The following SNRPN variants were observed in gnomAD, a reference collection of about 807,000 sequenced individuals.
SNRPN encodes the protein small nuclear ribonucleoprotein-associated protein N.
In SNRPN, 7 loss-of-function variants were observed where a neutral mutation model predicts 25.2. The ratio of observed to expected loss-of-function variants is 0.28; its 90% CI spans 0.16 to 0.52. The LOEUF is 0.52. Among genes scored for constraint, SNRPN ranks in the 20% least tolerant of loss-of-function variants. SNRPN has a pLI of 0.96. For missense variants in SNRPN, 196 were observed against 322.5 expected (o/e 0.61, Z 3.00); for synonymous variants, 124 against 110.6 (o/e 1.12, Z -0.76).
At chr15:24,910,555 G>A (rs1356089529) in intron 2 of SNRPN, among the ~76,000 whole-genome samples, 4 of 152,130 alleles carry the variant, frequency 2.6e-5, no homozygotes, top group East Asian at 1.9e-4. Flanking sequence ...GCAATGGTGC[G>A]ATCTCGGCTC....
At chr15:24,956,432 C>T (rs4906939) in intron 1 of SNRPN, among the ~76,000 whole-genome samples, 54,494 of 149,820 alleles carry the variant, frequency 0.36, 10,277 homozygotes, top group East Asian at 0.5. Flanking sequence ...TCTGCTGTTT[C>T]GGAGTTTCAG....
chr15:24,911,553 G>A (rs182426032), intron 2 of SNRPN, among the ~76,000 whole-genome samples: 18 of 152,306 alleles, frequency 1.2e-4, no homozygotes, highest in Admixed American at 1.2e-3. Flanking sequence ...CTGTGGTTCA[G>A]GTGGGCCCAG....
At chr15:24,909,341 C>G (rs1288808242) in intron 2 of SNRPN, 1 of 1,602,752 alleles carries the variant, frequency 6.2e-7, no homozygotes, top group African/African-American at 1.3e-5. Flanking sequence ...CTTCAGGGCA[C>G]CAAAAACTTT....
In SNRPN at chr15:24,940,015, A is replaced by G. The variant is rs2061458040; in HGVS notation, c.-391+19891A>G. 2.0e-5 allele frequency among the ~76,000 whole-genome samples: 3 copies of G among 152,006 alleles called. No homozygotes were observed. In the South Asian group the frequency reaches 6.2e-4, roughly 32 times the overall value. The stretch of plus-strand genomic sequence containing the variant: ...ATGTTGGCCAGGCTGGTCTCAAACC[A>G]TTGGCCTCCTGTGATTCACTCACCT... On this transcript the variant is annotated intron_variant, in intron 3 of 11. Coordinates refer to the SNRPN transcript ENST00000400097.
intron 2 of SNRPN, among the ~76,000 whole-genome samples, chr15:24,898,512 C>T (rs924655525): frequency 7.2e-5 from 11 of 151,800 alleles, no homozygotes; most frequent in Admixed American, 4.6e-4. Context: ...CACTTGAACC[C>T]GGGAGGCAGA....
rs147989930 is a variant in SNRPN, at chr15:24,906,711, G to A, written c.-504-13300G>A. ...AATTTCTGAGGTGCCATATTTGGGG[G>A]CATTATTTACAGAGACTCAAGGGGG... On this transcript the variant is annotated intron_variant, in intron 2 of 11. Transcript: ENST00000400097. Among the ~76,000 whole-genome samples the A allele has an allele frequency of 1.4e-3, 206 of 152,244 alleles. 2 individuals carry two copies. The highest frequency in any genetic ancestry group is 4.5e-3 in the African/African-American group (185 of 41,542).
intron 3 of SNRPN, among the ~76,000 whole-genome samples, chr15:24,930,331 T>C (rs191492895): frequency 6.6e-6 from 1 of 151,616 alleles, no homozygotes; most frequent in East Asian, 1.9e-4. Context: ...TGGAGAAATA[T>C]ATTATTTTAC....
chr15:24,841,202 T>C (rs1465449124), intron 2 of SNRPN, among the ~76,000 whole-genome samples: 1 of 152,152 alleles, frequency 6.6e-6, no homozygotes, highest in East Asian at 1.9e-4. Flanking sequence ...CATTGTTCCA[T>C]TTAGTATGCA....
intron 1 of SNRPN, among the ~76,000 whole-genome samples, chr15:24,879,604 C>G (rs2056385075): frequency 6.6e-6 from 1 of 152,178 alleles, no homozygotes; most frequent in African/African-American, 2.4e-5. Flanking sequence ...CAAAACCAGT[C>G]TTCTTTCTGC....
intron 2 of SNRPN, among the ~76,000 whole-genome samples, chr15:24,967,475 A>T (rs1282874933): frequency 6.6e-6 from 1 of 151,948 alleles, no homozygotes; most frequent in African/African-American, 2.4e-5. Flanking sequence ...CCCCATCTCT[A>T]CTAAAAATAC....
intron 2 of SNRPN, among the ~76,000 whole-genome samples, chr15:24,837,370 A>ATT (rs34338870): frequency 5.2e-4 from 76 of 146,202 alleles, no homozygotes; most frequent in South Asian, 1.1e-3. Context: ...GGGGCTACAG[A>ATT]TTTTTTTTTT....
At position 24,835,051 on chromosome 15, in the gene SNRPN, TA is replaced by T. The variant is rs202066789; in HGVS notation, c.-579+5151del. 4.9e-4 allele frequency among the ~76,000 whole-genome samples: 11 copies of T among 22,458 alleles called. 2 individuals are homozygous for T. Among genetic ancestry groups the T allele is most frequent in the Admixed American group, 9.3e-4 (1 of 1,074 alleles). 14.7% of individuals were successfully genotyped at this position (22,458 alleles called of 152,430 possible). A position where few individuals can be genotyped will look rare whatever the true frequency, so the allele number is the denominator to read the frequency against. On this transcript the variant is annotated intron_variant, in intron 2 of 12. Transcript: ENST00000400100. Reference sequence around the variant, plus strand: ...TATATATAGTATATATATCTATATATAAAAATATAGATATATAGTATATATA... The same window carrying T: ...TATATATAGTATATATATCTATATATAAAATATAGATATATAGTATATATA...
intron 2 of SNRPN, among the ~76,000 whole-genome samples, chr15:24,916,339 G>C (rs1488157206): frequency 6.6e-6 from 1 of 152,038 alleles, no homozygotes; most frequent in African/African-American, 2.4e-5. Flanking sequence ...GGGAAAGTGG[G>C]GGGAGAGAGA....
upstream of SNRPN, among the ~76,000 whole-genome samples, chr15:24,952,932 A>G (rs1055982164): frequency 6.6e-6 from 1 of 152,168 alleles, no homozygotes; most frequent in Non-Finnish European, 1.5e-5. Flanking sequence ...AAAAAGAAAT[A>G]TAAGATATAG....
chr15:24,934,836 C>T (rs867203612), intron 3 of SNRPN, among the ~76,000 whole-genome samples: 8 of 152,318 alleles, frequency 5.3e-5, no homozygotes, highest in Middle Eastern at 6.8e-3. Flanking sequence ...GGATTATAGG[C>T]ATGAGCCACC....
chr15:24,907,665 T>G (rs1023605262), intron 2 of SNRPN, among the ~76,000 whole-genome samples: 2 of 151,808 alleles, frequency 1.3e-5, no homozygotes, highest in Non-Finnish European at 2.9e-5. Flanking sequence ...AGGCTGGTCT[T>G]AAACTCCTGG....
chr15:24,947,498 A>T (rs1265216761), intron 3 of SNRPN, among the ~76,000 whole-genome samples: 1 of 152,164 alleles, frequency 6.6e-6, no homozygotes, highest in Non-Finnish European at 1.5e-5. Context: ...GCATGGTGAC[A>T]TGCACCTGTA....
chr15:24,882,833 A>AT (rs1555388422), intron 1 of SNRPN, among the ~76,000 whole-genome samples: 7,485 of 119,360 alleles, frequency 0.063, 796 homozygotes, highest in African/African-American at 0.097. Flanking sequence ...CAAAAAAAAA[A>AT]ATATATATAT....
At chr15:24,946,543 C>T (rs1284710489) in intron 3 of SNRPN, among the ~76,000 whole-genome samples, 2 of 152,166 alleles carry the variant, frequency 1.3e-5, no homozygotes, top group Non-Finnish European at 2.9e-5. Flanking sequence ...AATCATGGCT[C>T]GTTGTAGCCT....
Sources: gnomAD v4.1 joint callset for allele counts (sites outside exome capture counted in the v4.1 genomes callset) on GRCh38, gnomAD v4.1.1 for gene constraint, MANE v1.5 for transcripts, NCBI Gene and HGNC (gene_info 2026-07-23, HGNC 2026-07-21) for gene names.